The following LRRC7 variants were observed in gnomAD, a reference collection of about 807,000 sequenced individuals.
LRRC7 encodes leucine-rich repeat-containing protein 7.
Under a neutral mutation model 175.7 loss-of-function variants are expected in LRRC7, and 23 were observed. That is an observed-to-expected ratio of 0.13 (90% CI 0.09 to 0.19). LRRC7 has a LOEUF of 0.19. Among genes scored for constraint, LRRC7 ranks in the 10% least tolerant of loss-of-function variants. The probability of loss-of-function intolerance (pLI) is 1.00; values close to 1 mark genes in which losing one functional copy is unlikely to be tolerated. For missense variants in LRRC7, 1,354 were observed against 1,904.7 expected (o/e 0.71, Z 5.38); for synonymous variants, 685 against 680.9 (o/e 1.01, Z -0.09).
At chr1:69,869,100 A>G (rs973589390) in intron 7 of LRRC7, among the ~76,000 whole-genome samples, 1 of 152,022 alleles carries the variant, frequency 6.6e-6, no homozygotes, top group African/African-American at 2.4e-5. Flanking sequence ...TTGAGGGAAC[A>G]CAACTCAGCC....
intron 1 of LRRC7, among the ~76,000 whole-genome samples, chr1:69,597,939 A>G (rs1452376355): frequency 1.9e-4 from 29 of 152,220 alleles, no homozygotes; most frequent in Admixed American, 1.9e-3. Flanking sequence ...GAGTGGAAAC[A>G]AGAAAGACTC....
chr1:69,698,783 C>T (rs1409403058), intron 2 of LRRC7, among the ~76,000 whole-genome samples: 1 of 152,194 alleles, frequency 6.6e-6, no homozygotes, highest in African/African-American at 2.4e-5. Context: ...TAATAAACAG[C>T]CTTGTGATTG....
rs1305541838 is a variant in LRRC7, at chr1:69,780,513, GAT to G, written c.304-11528_304-11527del. On this transcript the variant is annotated intron_variant, in intron 3 of 26. Coordinates refer to ENST00000651989, the MANE Select transcript of LRRC7 (RefSeq NM_001370785.2). ...AGGGAGGAAGAAAGGGAAAAGGAGAGATAAAGGGAGGGAGAAAAGAAGCAGGG... is the reference window on the plus strand; with the variant it reads ...AGGGAGGAAGAAAGGGAAAAGGAGAGAAAGGGAGGGAGAAAAGAAGCAGGG... 7.9e-5 allele frequency among the ~76,000 whole-genome samples: 12 copies of G among 152,148 alleles called. No individual in the cohort carries two copies. In the East Asian group the frequency reaches 1.7e-3, roughly 22 times the overall value.
chr1:70,019,037 T>C (rs945219112), intron 15 of LRRC7, among the ~76,000 whole-genome samples: 3 of 152,054 alleles, frequency 2.0e-5, no homozygotes, highest in Non-Finnish European at 4.4e-5. Context: ...CATCTTTATA[T>C]CTTACATAAA....
At chr1:69,827,302 G>T (rs1680028186) in intron 5 of LRRC7, among the ~76,000 whole-genome samples, 1 of 152,018 alleles carries the variant, frequency 6.6e-6, no homozygotes, top group African/African-American at 2.4e-5. Flanking sequence ...AATCATGGTA[G>T]GTCTTTGGGA....
At chr1:69,867,609 A>G (rs1318999169) in intron 7 of LRRC7, among the ~76,000 whole-genome samples, 1 of 152,162 alleles carries the variant, frequency 6.6e-6, no homozygotes, top group African/African-American at 2.4e-5. Context: ...ATAGCCTGGA[A>G]ATTACGAGAA....
At chr1:69,701,219 T>C (rs945795054) in intron 2 of LRRC7, among the ~76,000 whole-genome samples, 14 of 152,162 alleles carry the variant, frequency 9.2e-5, no homozygotes, top group African/African-American at 3.1e-4. Context: ...TAGAAGAACA[T>C]ATCAGTGAGA....
rs12075826 is a variant in LRRC7 at position 69,695,627 on chromosome 1, T to C, written c.100+17149T>C. Among the ~76,000 whole-genome samples, 514 of 152,268 alleles carry C rather than the reference T, an allele frequency of 3.4e-3. 5 individuals are homozygous for C. The highest frequency in any genetic ancestry group is 0.012 in the African/African-American group (501 of 41,556). On this transcript the variant is annotated intron_variant, in intron 2 of 26. Coordinates refer to ENST00000651989, the MANE Select transcript of LRRC7 (RefSeq NM_001370785.2). ...GAAATCTTTGAGGCAGACCCTCCCA[T>C]CATAGGCCCAGAGGTCTAGTGGAAA...
intron 18 of LRRC7, among the ~76,000 whole-genome samples, chr1:70,031,977 T>G (rs1658782066): frequency 6.6e-6 from 1 of 152,100 alleles, no homozygotes; most frequent in East Asian, 1.9e-4. Flanking sequence ...TTTTGTATTT[T>G]TAGTAGAGAC....
At chr1:69,892,057 A>C (rs1645851762) in intron 7 of LRRC7, among the ~76,000 whole-genome samples, 1 of 152,248 alleles carries the variant, frequency 6.6e-6, no homozygotes, top group Non-Finnish European at 1.5e-5. Context: ...ATATATTGAA[A>C]CATCAGTCTG....
At chr1:69,952,795 G>A (rs1258341384) in intron 8 of LRRC7, among the ~76,000 whole-genome samples, 2 of 151,816 alleles carry the variant, frequency 1.3e-5, no homozygotes, top group African/African-American at 4.8e-5. Flanking sequence ...ACAAAATAGA[G>A]AAAACCCTAG....
At position 70,132,982 on chromosome 1, in the gene LRRC7, A is replaced by C. The variant is rs1666735036; in HGVS notation, c.*11095A>C. On this transcript the variant is annotated 3_prime_UTR_variant, in exon 27 of 27. Transcript: ENST00000651989. ...TTCCCTCTGTAACCCACCCTTATAA[A>C]GCAACAAATTGTGTTTCATCTCAAT... Among the ~76,000 whole-genome samples the C allele has an allele frequency of 1.3e-5, 2 of 152,114 alleles. No homozygotes were observed. Among genetic ancestry groups the C allele is most frequent in the African/African-American group, 4.8e-5 (2 of 41,414 alleles).
intron 23 of LRRC7, among the ~76,000 whole-genome samples, chr1:70,059,375 A>T (rs1661397129): frequency 2.0e-5 from 3 of 152,158 alleles, no homozygotes; most frequent in Admixed American, 2.0e-4. Context: ...ATTTTCTCAC[A>T]TCTACAATAT....
At chr1:69,750,834 T>TA (rs1479170682) in intron 2 of LRRC7, among the ~76,000 whole-genome samples, 1 of 152,184 alleles carries the variant, frequency 6.6e-6, no homozygotes. Context: ...CTTCATGACT[T>TA]AGTCACTTCT....
chr1:69,950,421 A>C (rs1570774315), intron 8 of LRRC7, among the ~76,000 whole-genome samples: 1 of 152,154 alleles, frequency 6.6e-6, no homozygotes, highest in Admixed American at 6.6e-5. Flanking sequence ...CTGGAGTTAC[A>C]GATCATTTTG....
intron 8 of LRRC7, among the ~76,000 whole-genome samples, chr1:69,936,279 A>C (rs1648010516): frequency 6.6e-6 from 1 of 152,180 alleles, no homozygotes; most frequent in African/African-American, 2.4e-5. Flanking sequence ...AAAAGAAAAA[A>C]TGTTAGGACT....
chr1:69,699,556 C>A (rs958567737), intron 2 of LRRC7, among the ~76,000 whole-genome samples: 1 of 150,318 alleles, frequency 6.7e-6, no homozygotes. Context: ...GAGAGAGAAT[C>A]CCTTCAGTGG....
rs570128170 is a variant in LRRC7, at chr1:69,791,176, G to A, written c.304-867G>A. Among the ~76,000 whole-genome samples, 10 of 152,068 alleles carry A rather than the reference G, an allele frequency of 6.6e-5. No homozygotes were observed. The East Asian group carries it at 1.7e-3, about 26-fold the overall frequency. Reference sequence around the variant, plus strand: ...ATGAATCAAAAATTCTGTCCCAGATGTTCATATCTGGCAGGAGTCAAGATG... The same window carrying A: ...ATGAATCAAAAATTCTGTCCCAGATATTCATATCTGGCAGGAGTCAAGATG... On this transcript the variant is annotated intron_variant, in intron 3 of 26. Coordinates refer to ENST00000651989, the MANE Select transcript of LRRC7 (RefSeq NM_001370785.2).
chr1:69,662,585 C>T (rs1657634987), intron 1 of LRRC7, among the ~76,000 whole-genome samples: 1 of 152,160 alleles, frequency 6.6e-6, no homozygotes, highest in Non-Finnish European at 1.5e-5. Context: ...TTAAGCATTT[C>T]ACTCTCTTTT....
Sources: allele counts gnomAD v4.1 joint callset (sites outside exome capture counted in the v4.1 genomes callset), GRCh38; gene constraint gnomAD v4.1.1; transcripts MANE v1.5; gene names NCBI Gene and HGNC (gene_info 2026-07-23, HGNC 2026-07-21).